Variants in PFKFB3 observed in about 807,000 individuals in gnomAD.
The protein encoded by PFKFB3 is 6-phosphofructo-2-kinase/fructose-2,6-biphosphatase 3.
Under a neutral mutation model 68.0 loss-of-function variants are expected in PFKFB3, and 33 were observed. The ratio of observed to expected loss-of-function variants is 0.49; its 90% CI spans 0.37 to 0.65. The LOEUF is 0.65. PFKFB3 is among the 30% of genes least tolerant of loss of function. The pLI, the probability that PFKFB3 is intolerant of heterozygous loss-of-function variation, is 0.00. For synonymous variants in PFKFB3, 315 were observed against 288.2 expected, an observed-to-expected ratio of 1.09 and a Z score of -0.94; for missense variants, 586 against 712.2, an observed-to-expected ratio of 0.82 and a Z score of 2.02.
the PFKFB3 span, among the ~76,000 whole-genome samples, chr10:6,315,186 C>T: frequency 1.4e-4 from 21 of 152,268 alleles, no homozygotes; most frequent in East Asian, 3.9e-4. Context: ...GGACTTGGCA[C>T]GAACTGCCTG....
chr10:6,206,730 C>T (rs1172951089), intron 1 of PFKFB3, among the ~76,000 whole-genome samples: 2 of 149,116 alleles, frequency 1.3e-5, no homozygotes, highest in South Asian at 2.1e-4. Flanking sequence ...GATGGGATGG[C>T]GGCCAGGAAG....
At chr10:6,314,435 G>A in the PFKFB3 span, among the ~76,000 whole-genome samples, 2 of 152,198 alleles carry the variant, frequency 1.3e-5, no homozygotes, top group Non-Finnish European at 2.9e-5. Flanking sequence ...ATATGTGTGT[G>A]ATCTATCAAA....
At chr10:6,309,106 A>G in the PFKFB3 span, among the ~76,000 whole-genome samples, 1 of 152,180 alleles carries the variant, frequency 6.6e-6, no homozygotes, top group South Asian at 2.1e-4. Flanking sequence ...CCCAATTACA[A>G]TGTGAGAAAC....
At chr10:6,171,360 TCTC>T (rs1272520835) in intron 1 of PFKFB3, among the ~76,000 whole-genome samples, 1 of 151,862 alleles carries the variant, frequency 6.6e-6, no homozygotes, top group African/African-American at 2.4e-5. Context: ...CGGCCCTTCT[TCTC>T]TATTTTTAAC....
the PFKFB3 span, chr10:6,293,975 A>G: frequency 1.2e-5 from 6 of 515,706 alleles, no homozygotes; most frequent in Non-Finnish European, 2.4e-5. Context: ...ATCTTGATCC[A>G]ATGGCTTCAT....
In PFKFB3 at chr10:6,220,850, C is replaced by T. The variant is rs1299107188; in HGVS notation, c.816C>T (p.Ser272=). 3.1e-6 allele frequency: 5 copies of T among 1,611,572 alleles called. No homozygotes were observed. The highest frequency in any genetic ancestry group is 4.2e-6 in the Non-Finnish European group (5 of 1,179,970). Residue 272 remains serine, a synonymous_variant, in exon 8 of 15, where the codon TCC becomes TCT. Coordinates refer to ENST00000379775, the MANE Select transcript of PFKFB3 (RefSeq NM_004566.4). This position sits in a 1 kb window ranked among gnomAD's most constrained non-coding sequence, Gnocchi z 4.1. ...QGRIGGDSGL[S]SRGKKFASAL... ...GCATCGGGGGCGACTCAGGCCTGTC[C>T]AGCCGGGGCAAGAAGGTGCGGGGTG...
chr10:6,309,161 A>C, the PFKFB3 span, among the ~76,000 whole-genome samples: 1 of 152,242 alleles, frequency 6.6e-6, no homozygotes, highest in Admixed American at 6.5e-5. Flanking sequence ...ATGAAAACCT[A>C]AATCTACACA....
At chr10:6,237,144 T>A (rs1411241918), downstream of PFKFB3, among the ~76,000 whole-genome samples, 1 of 152,132 alleles carries the variant, frequency 6.6e-6, no homozygotes, top group African/African-American at 2.4e-5. Context: ...CCCCGACACT[T>A]CCTCCCCATC....
intron 1 of PFKFB3, among the ~76,000 whole-genome samples, chr10:6,150,531 C>T (rs921193586): frequency 2.0e-5 from 3 of 151,714 alleles, no homozygotes; most frequent in South Asian, 2.1e-4. Context: ...GACTGAGGCA[C>T]GAGAATCACT....
intron 1 of PFKFB3, among the ~76,000 whole-genome samples, chr10:6,145,474 G>T (rs538206011): frequency 1.3e-5 from 2 of 152,174 alleles, no homozygotes; most frequent in Admixed American, 6.5e-5. Context: ...CCAGCCCCGG[G>T]CCGCAGATAT....
chr10:6,161,164 G>A (rs564741060), intron 1 of PFKFB3, among the ~76,000 whole-genome samples: 1 of 152,268 alleles, frequency 6.6e-6, no homozygotes, highest in African/African-American at 2.4e-5. Context: ...TTGAACTCCT[G>A]ACCTCAGATG....
intron 1 of PFKFB3, among the ~76,000 whole-genome samples, chr10:6,184,771 C>CTTTTT (rs35388630): frequency 2.5e-5 from 3 of 121,416 alleles, no homozygotes; most frequent in East Asian, 4.8e-4. Flanking sequence ...CGCGCCTGGC[C>CTTTTT]TTTTTTTTTT....
chr10:6,162,674 C>G lies in PFKFB3; in HGVS notation c.16+17661C>G, dbSNP rs1387993618. Among the ~76,000 whole-genome samples the G allele has an allele frequency of 2.0e-5, 3 of 152,172 alleles. No homozygotes were observed. The East Asian group carries it at 5.8e-4, about 29-fold the overall frequency. On this transcript the variant is annotated intron_variant, in intron 1 of 14. Coordinates refer to the PFKFB3 transcript ENST00000379789. ...TGTGTTAGAATCCATTCCTGACATA[C>G]TCAATTGATGCTCAAGCCACTCCCA...
chr10:6,266,345 G>A, the PFKFB3 span, among the ~76,000 whole-genome samples: 1 of 151,970 alleles, frequency 6.6e-6, no homozygotes, highest in Non-Finnish European at 1.5e-5. Context: ...TGTATCCTTC[G>A]GCATGCTCTC....
the PFKFB3 span, among the ~76,000 whole-genome samples, chr10:6,324,057 C>T: frequency 6.6e-6 from 1 of 152,168 alleles, no homozygotes; most frequent in African/African-American, 2.4e-5. Context: ...GTGGAAACAA[C>T]CCAGTGTCCA....
chr10:6,293,218 C>A, the PFKFB3 span: 1 of 467,428 alleles, frequency 2.1e-6, no homozygotes, highest in South Asian at 1.7e-5. Context: ...CAGATGTTGA[C>A]AGTATGTCTG....
chr10:6,161,870 T>C lies in PFKFB3; in HGVS notation c.16+16857T>C, dbSNP rs117962447. ...CCAGGGTGGCCTTTAATTTCTAATGTAAACATTTTTAATTGTGGTAAATAC... is the reference window on the plus strand; with the variant it reads ...CCAGGGTGGCCTTTAATTTCTAATGCAAACATTTTTAATTGTGGTAAATAC... On this transcript the variant is annotated intron_variant, in intron 1 of 14. Coordinates refer to the PFKFB3 transcript ENST00000379789. Among the ~76,000 whole-genome samples, 901 of 152,322 alleles carry C rather than the reference T, an allele frequency of 5.9e-3. 6 individuals are homozygous for C. The highest frequency in any genetic ancestry group is 0.011 in the South Asian group (51 of 4,830).
At chr10:6,281,103 T>A in the PFKFB3 span, among the ~76,000 whole-genome samples, 45 of 148,454 alleles carry the variant, frequency 3.0e-4, no homozygotes, top group African/African-American at 8.3e-4. Flanking sequence ...TACTCTCCAG[T>A]CTCATCCAGG....
chr10:6,204,199 G>C (rs3793715), intron 1 of PFKFB3, among the ~76,000 whole-genome samples: 2 of 152,314 alleles, frequency 1.3e-5, no homozygotes, highest in East Asian at 3.9e-4. Flanking sequence ...CGCCGCCGCG[G>C]AAAAGGGCGG....
Sources: allele counts gnomAD v4.1 joint callset (sites outside exome capture counted in the v4.1 genomes callset), GRCh38; gene constraint gnomAD v4.1.1; non-coding constraint Gnocchi (gnomAD v3.1); transcripts MANE v1.5; gene names NCBI Gene and HGNC (gene_info 2026-07-23, HGNC 2026-07-21).